The following FER variants were observed in gnomAD, a reference collection of about 807,000 sequenced individuals.
FER encodes tyrosine-protein kinase Fer.
Under a neutral mutation model 111.0 loss-of-function variants are expected in FER, and 63 were observed. That is an observed-to-expected ratio of 0.57 (90% CI 0.46 to 0.70). The LOEUF is 0.70. Ranked by LOEUF, FER falls within the 30% of genes least tolerant of loss-of-function variation. FER has a pLI of 0.00. For missense variants in FER, 914 were observed against 954.0 expected (o/e 0.96, Z 0.55); for synonymous variants, 327 against 313.9 (o/e 1.04, Z -0.44).
At chr5:109,136,792 C>T (rs994825951) in intron 17 of FER, among the ~76,000 whole-genome samples, 1 of 151,958 alleles carries the variant, frequency 6.6e-6, no homozygotes, top group Non-Finnish European at 1.5e-5. Context: ...GAATCAAAAT[C>T]TTATTAATAC....
chr5:109,148,017 ATTTG>A (rs909145580), intron 17 of FER, among the ~76,000 whole-genome samples: 2 of 151,926 alleles, frequency 1.3e-5, no homozygotes, highest in African/African-American at 4.8e-5. Flanking sequence ...TCAATGAAGT[ATTTG>A]TTTAATAGGT....
intron 3 of FER, 21 bp downstream of exon 3, chr5:108,798,410 C>A: frequency 1.3e-6 from 2 of 1,562,442 alleles, no homozygotes; most frequent in Non-Finnish European, 1.8e-6. Flanking sequence ...TAATTTCACT[C>A]TTTGTTATTT....
chr5:109,072,549 A>G (rs779961400), intron 16 of FER, among the ~76,000 whole-genome samples: 11 of 151,848 alleles, frequency 7.2e-5, no homozygotes, highest in Non-Finnish European at 1.6e-4. Flanking sequence ...GATCCCAGAA[A>G]AACAGTAGGC....
chr5:108,920,072 T>C (rs1213165523), intron 10 of FER, among the ~76,000 whole-genome samples: 1 of 152,134 alleles, frequency 6.6e-6, no homozygotes, highest in Non-Finnish European at 1.5e-5. Flanking sequence ...CCCCTTATTA[T>C]AGATATTTTA....
chr5:109,080,269 T>C lies in FER; in HGVS notation c.1925-20127T>C, dbSNP rs192574274. Among the ~76,000 whole-genome samples the C allele has an allele frequency of 2.6e-5, 4 of 152,126 alleles. No homozygotes were observed. The East Asian group carries it at 7.7e-4, about 29-fold the overall frequency. On this transcript the variant is annotated intron_variant, in intron 16 of 19. Coordinates refer to ENST00000281092, the MANE Select transcript of FER (RefSeq NM_005246.4). ...TTAACCTGTCATTTTAATGAAACAA[T>C]TTTAATTGCTTATTTGCACATAGTG... is the stretch of plus-strand genomic sequence containing the variant.
intron 16 of FER, among the ~76,000 whole-genome samples, chr5:109,069,113 T>C (rs1010193929): frequency 6.9e-6 from 1 of 143,994 alleles, no homozygotes; most frequent in Non-Finnish European, 1.5e-5. Context: ...GTAAACTTTT[T>C]CTTGATATTT....
chr5:108,876,819 T>A (rs1291560089), intron 8 of FER, among the ~76,000 whole-genome samples: 1 of 152,196 alleles, frequency 6.6e-6, no homozygotes, highest in African/African-American at 2.4e-5. Context: ...AACACTAACT[T>A]TGAACTGCAG....
At chr5:108,869,510 A>G (rs1350241812) in intron 6 of FER, among the ~76,000 whole-genome samples, 1 of 152,116 alleles carries the variant, frequency 6.6e-6, no homozygotes, top group African/African-American at 2.4e-5. Context: ...CTGGATTTAG[A>G]GTAGGCCCTA....
chr5:109,025,606 C>G (rs1028927383), intron 13 of FER, among the ~76,000 whole-genome samples: 26 of 149,542 alleles, frequency 1.7e-4, no homozygotes, highest in Non-Finnish European at 3.3e-4. Context: ...ATTGAATACC[C>G]TTTATTTCCT....
At chr5:108,787,302 G>A (rs2150013461) in intron 2 of FER, among the ~76,000 whole-genome samples, 1 of 152,284 alleles carries the variant, frequency 6.6e-6, no homozygotes, top group East Asian at 1.9e-4. Flanking sequence ...TGGACTTTGG[G>A]TATCGACAAG....
chr5:109,146,140 CAG>C (rs1024397643), intron 17 of FER, among the ~76,000 whole-genome samples: 2 of 127,884 alleles, frequency 1.6e-5, no homozygotes, highest in African/African-American at 2.8e-5. Context: ...ATTTAAACAA[CAG>C]AGAGGGGGAC....
intron 17 of FER, among the ~76,000 whole-genome samples, chr5:109,157,780 C>T (rs1407913717): frequency 6.6e-6 from 1 of 152,088 alleles, no homozygotes; most frequent in African/African-American, 2.4e-5. Context: ...GACTTGAGAA[C>T]TTTGATGCAT....
chr5:108,952,303 CA>C (rs929667042), intron 11 of FER, among the ~76,000 whole-genome samples: 4 of 141,170 alleles, frequency 2.8e-5, no homozygotes, highest in Non-Finnish European at 3.2e-5. Flanking sequence ...TGGGATGTTA[CA>C]TTTTTTTTGC....
At chr5:108,935,689 T>G (rs1755366677) in intron 10 of FER, among the ~76,000 whole-genome samples, 1 of 152,092 alleles carries the variant, frequency 6.6e-6, no homozygotes, top group African/African-American at 2.4e-5. Flanking sequence ...TGCCCTTTTA[T>G]TCAAGTAATT....
intron 17 of FER, among the ~76,000 whole-genome samples, chr5:109,107,799 T>C (rs982458140): frequency 2.0e-5 from 3 of 152,120 alleles, no homozygotes; most frequent in African/African-American, 4.8e-5. Context: ...TCATTTTCCC[T>C]TTCACCTTGA....
At chr5:109,044,936 C>A in intron 15 of FER, 141 bp downstream of exon 15, 1 of 485,436 alleles carries the variant, frequency 2.1e-6, no homozygotes, top group Non-Finnish European at 3.7e-6. Context: ...AAAATTTGTG[C>A]TTTTGTGATA....
intron 3 of FER, among the ~76,000 whole-genome samples, chr5:108,821,062 G>A (rs1758789739): frequency 1.3e-5 from 2 of 152,160 alleles, no homozygotes; most frequent in South Asian, 2.1e-4. Flanking sequence ...TAGTGAGCCA[G>A]GATTGCTCCA....
intron 13 of FER, among the ~76,000 whole-genome samples, chr5:109,000,110 G>T (rs1764529460): frequency 6.6e-6 from 1 of 151,298 alleles, no homozygotes; most frequent in Admixed American, 6.6e-5. Flanking sequence ...TATATTTACT[G>T]GTTAATGTTG....
chr5:109,027,043 A>G (rs531471477), intron 13 of FER, among the ~76,000 whole-genome samples: 2 of 152,274 alleles, frequency 1.3e-5, no homozygotes, highest in East Asian at 1.9e-4. Flanking sequence ...CATGTTGTCA[A>G]TATGTTTAGA....
Sources: allele counts gnomAD v4.1 joint callset (sites outside exome capture counted in the v4.1 genomes callset), GRCh38; gene constraint gnomAD v4.1.1; transcripts MANE v1.5; gene names NCBI Gene and HGNC (gene_info 2026-07-23, HGNC 2026-07-21).